Variants in ZSCAN18 observed in about 807,000 individuals in gnomAD.
The protein encoded by ZSCAN18 is zinc finger and SCAN domain containing 18.
In ZSCAN18, 16 loss-of-function variants were observed where a neutral mutation model predicts 31.1. The ratio of observed to expected loss-of-function variants is 0.51; its 90% CI spans 0.35 to 0.78. ZSCAN18 has a LOEUF of 0.78. Ranked by LOEUF, ZSCAN18 falls within the 30% of genes least tolerant of loss-of-function variation. The probability of loss-of-function intolerance (pLI) is 0.01; values close to 1 mark genes in which losing one functional copy is unlikely to be tolerated. For missense variants in ZSCAN18, 731 were observed against 697.4 expected (o/e 1.05, Z -0.54); for synonymous variants, 375 against 320.7 (o/e 1.17, Z -1.81).
At chr19:58,106,109 A>G (rs2074632480) in intron 1 of ZSCAN18, among the ~76,000 whole-genome samples, 1 of 152,342 alleles carries the variant, frequency 6.6e-6, no homozygotes, top group Non-Finnish European at 1.5e-5. Flanking sequence ...GATGCCATTA[A>G]GAGCATTCTA....
At chr19:58,118,321 G>C (rs1427846705) in exon 1 of ZSCAN18, 1 of 1,529,744 alleles carries the variant, frequency 6.5e-7, no homozygotes, top group East Asian at 2.6e-5. Context: ...AAACAGACCC[G>C]AGAGGCCGCG....
chr19:58,096,236 A>G (rs933836188), intron 1 of ZSCAN18, among the ~76,000 whole-genome samples: 2 of 152,102 alleles, frequency 1.3e-5, no homozygotes, highest in African/African-American at 4.8e-5. Flanking sequence ...CAAACAAAAT[A>G]GAGATACCAC....
chr19:58,100,501 C>A (rs941672132), upstream of ZSCAN18, among the ~76,000 whole-genome samples: 8 of 152,176 alleles, frequency 5.3e-5, no homozygotes, highest in Non-Finnish European at 1.0e-4. Flanking sequence ...GGAGTCACCT[C>A]ATTAGCATAA....
chr19:58,085,369 C>T lies in ZSCAN18; in HGVS notation c.849G>A (p.Arg283=). The part of the protein sequence containing the change: ...PQGSSLPEGG[R]RQESAGCACE... ...AGGCGCACCCAGCGCTCTCCTGCCGCCTCCCGCCTTCTGGAACAAGGTCAG... is the reference window on the plus strand; with the variant it reads ...AGGCGCACCCAGCGCTCTCCTGCCGTCTCCCGCCTTCTGGAACAAGGTCAG... Residue 283 remains arginine (R), a synonymous_variant, in exon 7 of 7, where the codon AGG becomes AGA. Transcript: ENST00000601144. 6.3e-7 allele frequency: 1 copy of T among 1,589,228 alleles called. No individual in the cohort carries two copies. The highest frequency in any genetic ancestry group is 1.1e-5 in the South Asian group (1 of 90,168).
Position 58,114,083 on chromosome 19 carries a change from C to T in ZSCAN18, c.130+4184G>A, listed in dbSNP as rs574270102. On this transcript the variant is annotated intron_variant, in intron 1 of 1. Coordinates refer to the ZSCAN18 transcript ENST00000595721. The stretch of plus-strand genomic sequence containing the variant: ...AGGAGTTCAAGACCAGCCTGGCCAA[C>T]ATAGTGAAACCCCATCTGTATTAAA... Among the ~76,000 whole-genome samples the T allele has an allele frequency of 4.6e-5, 7 of 152,140 alleles. No homozygotes were observed. In the East Asian group the frequency reaches 1.2e-3, roughly 25 times the overall value.
intron 1 of ZSCAN18, among the ~76,000 whole-genome samples, chr19:58,112,751 A>ACCAGC (rs1407729962): frequency 6.6e-6 from 1 of 151,656 alleles, no homozygotes; most frequent in Admixed American, 6.6e-5. Context: ...GGAGTTTGAG[A>ACCAGC]CTAGCCTGGC....
chr19:58,092,683 G>C, intron 1 of ZSCAN18: 3 of 983,964 alleles, frequency 3.0e-6, no homozygotes, highest in Non-Finnish European at 3.6e-6. Context: ...CTTAAGTGCT[G>C]TTGGAAGACA....
upstream of ZSCAN18, among the ~76,000 whole-genome samples, chr19:58,103,120 T>TC (rs2074608279): frequency 2.7e-5 from 4 of 149,604 alleles, no homozygotes; most frequent in African/African-American, 9.9e-5. Context: ...AGACTCTCTC[T>TC]AAAAAAAAAT....
chr19:58,103,991 C>T lies in ZSCAN18; in HGVS notation c.131-13605G>A, dbSNP rs187264138. ...AGGAGATCAAACTACCCAAAGAGAA[C>T]TAACATTCTCTTAAGCCAAAGCCTA... On this transcript the variant is annotated intron_variant, in intron 1 of 1. Transcript: ENST00000595721. Among the ~76,000 whole-genome samples, 7 of 152,318 alleles carry T rather than the reference C, an allele frequency of 4.6e-5. No individual in the cohort carries two copies. In the East Asian group the frequency reaches 1.2e-3, roughly 25 times the overall value.
At chr19:58,109,830 T>C (rs2074665436) in intron 1 of ZSCAN18, among the ~76,000 whole-genome samples, 1 of 152,066 alleles carries the variant, frequency 6.6e-6, no homozygotes, top group South Asian at 2.1e-4. Flanking sequence ...AAAATTAACA[T>C]AGATTTTTTT....
intron 5 of ZSCAN18, 78 bp downstream of exon 5, chr19:58,086,828 G>T: frequency 1.8e-6 from 2 of 1,098,224 alleles, no homozygotes; most frequent in Non-Finnish European, 2.7e-6. Context: ...CAAAGTCCCT[G>T]GGGTCACAGT....
intron 1 of ZSCAN18, among the ~76,000 whole-genome samples, chr19:58,103,395 A>G (rs1339277981): frequency 6.6e-6 from 1 of 152,194 alleles, no homozygotes; most frequent in Non-Finnish European, 1.5e-5. Context: ...ACCATTTATC[A>G]AACAGCATAT....
At chr19:58,106,703 CA>C (rs1225360206) in intron 1 of ZSCAN18, among the ~76,000 whole-genome samples, 5 of 1,876 alleles carry the variant, frequency 2.7e-3, no homozygotes, top group East Asian at 0.016. Context: ...GACTCCGTCT[CA>C]AAAAAAAAAA....
chr19:58,090,252 T>G lies in ZSCAN18; in HGVS notation c.16A>C (p.Lys6Gln). 1 of 1,613,414 alleles carries G rather than the reference T, an allele frequency of 6.2e-7. No homozygotes were observed. The highest frequency in any genetic ancestry group is 8.5e-7 in the Non-Finnish European group (1 of 1,180,006). Reference protein sequence around the residue: MLPLEKAFASPRSSPA... With the variant: MLPLEQAFASPRSSPA... ...GAGCTCCTGGGGGAGGCAAACGCCT[T>G]CTCCAAAGGCAACATCTTTCCAAAA... Residue 6 changes from lysine to glutamine, a missense_variant, in exon 2 of 7, where the codon AAG becomes CAG. Physicochemically the swap from Lys to Gln is moderately conservative, Grantham distance 53 (BLOSUM62 1). Coordinates refer to ENST00000601144, the MANE Select transcript of ZSCAN18 (RefSeq NM_001145543.2). The surrounding 1 kb of genome is among the most constrained non-coding windows in gnomAD (Gnocchi z 4.7).
rs146022713 is a variant in ZSCAN18 at position 58,084,742 on chromosome 19, A to T, written c.1476T>A (p.Gly492=). ...REAQAGARAG[G]PPESVEGEAP... ...CCTCGCCCTCCACGCTCTCTGGGGGACCGCCCGCCCTAGCCCCCGCCTGGG... is the reference window on the plus strand; with the variant it reads ...CCTCGCCCTCCACGCTCTCTGGGGGTCCGCCCGCCCTAGCCCCCGCCTGGG... Residue 492 remains glycine, a synonymous_variant, in exon 7 of 7, where the codon GGT becomes GGA. Transcript: ENST00000601144. This position sits in a 1 kb window ranked among gnomAD's most constrained non-coding sequence, Gnocchi z 4.5. 26,273 of 1,545,702 alleles carry T rather than the reference A, an allele frequency of 0.017. 327 individuals are homozygous for T. The highest frequency in any genetic ancestry group is 0.054 in the Middle Eastern group (313 of 5,786).
chr19:58,088,387 G>C (rs554455709), intron 3 of ZSCAN18: 3 of 300,998 alleles, frequency 1.0e-5, no homozygotes, highest in African/African-American at 2.1e-5. Context: ...CGTGCATCAG[G>C]ACACTTGAGA....
At chr19:58,102,723 G>GT (rs2074605386), upstream of ZSCAN18, among the ~76,000 whole-genome samples, 1 of 151,932 alleles carries the variant, frequency 6.6e-6, no homozygotes, top group Non-Finnish European at 1.5e-5. Flanking sequence ...CTTGAGAGTT[G>GT]TATTTCTCCT....
intron 1 of ZSCAN18, among the ~76,000 whole-genome samples, chr19:58,104,748 A>G (rs1483728967): frequency 2.4e-5 from 2 of 83,260 alleles, no homozygotes; most frequent in Non-Finnish European, 2.6e-5. Context: ...AATAAAATAA[A>G]AAAGTCTGAA....
rs567636926 is a variant in ZSCAN18 at position 58,109,167 on chromosome 19, C to T, written c.130+9100G>A. On this transcript the variant is annotated intron_variant, in intron 1 of 1. Transcript: ENST00000595721. ...TTCTATGGAGCATTTCTACCTGGTC[C>T]TCACATTCCCAGACCTCTCCTAATG... The T allele has an allele frequency of 6.5e-6, 8 of 1,231,006 alleles. No homozygotes were observed. The East Asian group carries it at 2.2e-4, about 34-fold the overall frequency. The allele number at this position is 1,231,006 out of a possible 1,614,324, so 76.3% of individuals were successfully genotyped here.
Sources: gnomAD v4.1 joint callset for allele counts (sites outside exome capture counted in the v4.1 genomes callset) on GRCh38, gnomAD v4.1.1 for gene constraint, Gnocchi (gnomAD v3.1) non-coding constraint, MANE v1.5 for transcripts, NCBI Gene and HGNC (gene_info 2026-07-23, HGNC 2026-07-21) for gene names.